The following HIVEP3 variants were observed in gnomAD, a reference collection of about 807,000 sequenced individuals.
The protein encoded by HIVEP3 is HIVEP zinc finger 3.
Under a neutral mutation model 152.8 loss-of-function variants are expected in HIVEP3, and 49 were observed. That is an observed-to-expected ratio of 0.32 (90% CI 0.26 to 0.41). The LOEUF (loss-of-function observed/expected upper bound fraction) is 0.41. Among genes scored for constraint, HIVEP3 ranks in the 10% least tolerant of loss-of-function variants. HIVEP3 has a pLI of 1.00. For synonymous variants in HIVEP3, 1,269 were observed against 1,289.0 expected (o/e 0.98, Z 0.33); for missense variants, 2,790 against 3,103.3 (o/e 0.90, Z 2.40).
intron 1 of HIVEP3, among the ~76,000 whole-genome samples, chr1:41,840,673 C>T (rs1270396982): frequency 2.0e-5 from 3 of 152,194 alleles, no homozygotes; most frequent in Non-Finnish European, 2.9e-5. Context: ...CAGCCAGGAC[C>T]TTCAAATCCC....
intron 5 of HIVEP3, among the ~76,000 whole-genome samples, chr1:41,540,500 G>A (rs1243416225): frequency 6.6e-6 from 1 of 152,188 alleles, no homozygotes; most frequent in Admixed American, 6.5e-5. Flanking sequence ...TCAGACCCCA[G>A]AGTTACTCCA....
rs539482848 is a variant in HIVEP3 at position 41,743,428 on chromosome 1, G to GTGAA, written c.-800-42437_-800-42434dup. Among the ~76,000 whole-genome samples, 43 of 152,286 alleles carry GTGAA rather than the reference G, an allele frequency of 2.8e-4. No individual in the cohort carries two copies. The East Asian group carries it at 2.9e-3, about 10-fold the overall frequency. On this transcript the variant is annotated intron_variant, in intron 1 of 8. Transcript: ENST00000372583. Reference sequence around the variant, plus strand: ...GAGCCTGACATCTGGCAGACACTAGGTGAATGAATGAATGAATGAATGTTA... The same window carrying GTGAA: ...GAGCCTGACATCTGGCAGACACTAGGTGAATGAATGAATGAATGAATGAATGTTA...
At chr1:41,948,162 A>G (rs1389292527) in intron 1 of HIVEP3, among the ~76,000 whole-genome samples, 2 of 152,248 alleles carry the variant, frequency 1.3e-5, no homozygotes, top group African/African-American at 4.8e-5. Flanking sequence ...CTTCGTAGAA[A>G]AAGGACTTCG....
At chr1:41,688,666 G>A (rs60047540) in intron 2 of HIVEP3, among the ~76,000 whole-genome samples, 1 of 152,160 alleles carries the variant, frequency 6.6e-6, no homozygotes, top group Non-Finnish European at 1.5e-5. Context: ...GTAGGAATCC[G>A]TCCAAACACA....
intron 1 of HIVEP3, among the ~76,000 whole-genome samples, chr1:41,752,511 T>C (rs1647183345): frequency 6.6e-6 from 1 of 152,174 alleles, no homozygotes. Flanking sequence ...TAACCCAGCC[T>C]AGGGGGCTGA....
At chr1:41,732,544 G>A (rs549112301) in intron 1 of HIVEP3, among the ~76,000 whole-genome samples, 1 of 152,222 alleles carries the variant, frequency 6.6e-6, no homozygotes, top group Non-Finnish European at 1.5e-5. Context: ...GCAGGGGAAA[G>A]TAGCCTTGGG....
At chr1:41,549,745 T>C (rs1400198132) in intron 5 of HIVEP3, among the ~76,000 whole-genome samples, 1 of 152,222 alleles carries the variant, frequency 6.6e-6, no homozygotes, top group Non-Finnish European at 1.5e-5. Flanking sequence ...TGTAAATTTG[T>C]TTAAGTTCTT....
intron 5 of HIVEP3, among the ~76,000 whole-genome samples, chr1:41,538,357 G>A (rs574680877): frequency 1.3e-5 from 2 of 152,260 alleles, no homozygotes; most frequent in South Asian, 2.1e-4. Flanking sequence ...GCAGTGGCCC[G>A]ACAGAAATAA....
chr1:41,728,791 GCTGTGGC>G (rs1352747332), intron 1 of HIVEP3, among the ~76,000 whole-genome samples: 1 of 152,336 alleles, frequency 6.6e-6, no homozygotes, highest in African/African-American at 2.4e-5. Context: ...CTTGTGAACT[GCTGTGGC>G]CTGGGACTGG....
intron 1 of HIVEP3, among the ~76,000 whole-genome samples, chr1:41,880,285 C>A (rs1000303581): frequency 3.3e-5 from 5 of 152,254 alleles, no homozygotes; most frequent in African/African-American, 1.2e-4. Context: ...AAGCAATGCC[C>A]CCACCTCAGC....
chr1:41,840,396 A>G (rs1643253392), intron 1 of HIVEP3, among the ~76,000 whole-genome samples: 1 of 152,162 alleles, frequency 6.6e-6, no homozygotes, highest in Non-Finnish European at 1.5e-5. Flanking sequence ...ACCTGATGAC[A>G]TCTCTACAAG....
chr1:41,582,955 A>C lies in HIVEP3; in HGVS notation c.1843T>G (p.Ser615Ala). 2 of 1,613,844 alleles carry C rather than the reference A, an allele frequency of 1.2e-6. No homozygotes were observed. The highest frequency in any genetic ancestry group is 8.5e-7 in the Non-Finnish European group (1 of 1,179,972). Residue 615 changes from serine (S) to alanine (A), a missense_variant, in exon 4 of 9, where the codon TCC becomes GCC. By Grantham distance (99) the Ser-to-Ala change is moderately conservative. This residue lies in a region of HIVEP3 where 339 missense variants were observed against 327.0 expected (regional missense o/e 1.04). Transcript: ENST00000372583. The surrounding 1 kb of genome is among the most constrained non-coding windows in gnomAD (Gnocchi z 4.7). ...GGTTCCACTTCGTCCGAGGGCTTGG[A>C]GGCTGTGTCTTTGCTGCTTGGGCCA... ...EPGPSSKDTA[S>A]KPSDEVEPKE... is the part of the protein sequence containing the mutation.
intron 5 of HIVEP3, among the ~76,000 whole-genome samples, chr1:41,539,719 G>A (rs907531814): frequency 3.3e-5 from 5 of 152,310 alleles, no homozygotes; most frequent in African/African-American, 9.6e-5. Flanking sequence ...TGTGCCACAC[G>A]CTTTCCGTAG....
At chr1:41,821,184 G>T (rs892431654) in intron 1 of HIVEP3, among the ~76,000 whole-genome samples, 2 of 152,112 alleles carry the variant, frequency 1.3e-5, no homozygotes, top group African/African-American at 4.8e-5. Context: ...AATCCCCTGG[G>T]GTAGAGGCTG....
chr1:41,636,934 G>C (rs1298260662), intron 2 of HIVEP3, among the ~76,000 whole-genome samples: 2 of 143,122 alleles, frequency 1.4e-5, no homozygotes, highest in Non-Finnish European at 3.0e-5. Flanking sequence ...ACTCCAGCCT[G>C]GGCAACAAGA....
At chr1:41,739,153 G>A (rs995463347) in intron 1 of HIVEP3, among the ~76,000 whole-genome samples, 16 of 152,358 alleles carry the variant, frequency 1.1e-4, no homozygotes, top group African/African-American at 3.1e-4. Flanking sequence ...AGGAGCCCGC[G>A]CCGCCTCTGC....
At chr1:41,571,906 G>T (rs1246787586) in intron 5 of HIVEP3, among the ~76,000 whole-genome samples, 2 of 152,192 alleles carry the variant, frequency 1.3e-5, no homozygotes, top group Non-Finnish European at 2.9e-5. Flanking sequence ...ATGCTCAGTG[G>T]CACCAACTTT....
intron 1 of HIVEP3, among the ~76,000 whole-genome samples, chr1:41,741,528 T>TG (rs1281663171): frequency 6.6e-6 from 1 of 152,198 alleles, no homozygotes; most frequent in African/African-American, 2.4e-5. Context: ...AAACCCAGGT[T>TG]CCTTCCTCTC....
At chr1:41,976,825 C>T (rs1323693444) in intron 1 of HIVEP3, among the ~76,000 whole-genome samples, 5 of 152,156 alleles carry the variant, frequency 3.3e-5, no homozygotes, top group Non-Finnish European at 7.3e-5. Context: ...AGTTATGCTG[C>T]CACAAGCCGA....
Sources: gnomAD v4.1 joint callset for allele counts (sites outside exome capture counted in the v4.1 genomes callset) on GRCh38, gnomAD v4.1.1 for gene constraint, gnomAD v4.1.1 regional missense constraint, Gnocchi (gnomAD v3.1) non-coding constraint, MANE v1.5 for transcripts, NCBI Gene and HGNC (gene_info 2026-07-23, HGNC 2026-07-21) for gene names.